Variants in LOC728743 observed in about 807,000 individuals in gnomAD.
At chr7:150,406,378 A>C in the LOC728743 span, among the ~76,000 whole-genome samples, 1 of 152,132 alleles carries the variant, frequency 6.6e-6, no homozygotes, top group African/African-American at 2.4e-5. Flanking sequence ...TAGACAGTGC[A>C]TCTACAGGAG....
the LOC728743 span, among the ~76,000 whole-genome samples, chr7:150,409,624 G>A: frequency 6.6e-6 from 1 of 152,212 alleles, no homozygotes. Context: ...TTAAAAAGTG[G>A]ACGATGGAGC....
chr7:150,410,955 G>A, the LOC728743 span: 40,273 of 152,260 alleles, frequency 0.26, 6,663 homozygotes, highest in East Asian at 0.42. Flanking sequence ...AGAATTCCGA[G>A]GAGCCCTTTT....
chr7:150,403,878 G>C, the LOC728743 span, among the ~76,000 whole-genome samples: 2 of 152,192 alleles, frequency 1.3e-5, no homozygotes, highest in Non-Finnish European at 2.9e-5. This position sits in a 1 kb window ranked among gnomAD's most constrained non-coding sequence, Gnocchi z 5.1. Context: ...TCCTCCAAGC[G>C]AGCTGTGAAA....
the LOC728743 span, among the ~76,000 whole-genome samples, chr7:150,409,826 C>T: frequency 1.3e-5 from 2 of 152,212 alleles, no homozygotes; most frequent in South Asian, 4.1e-4. Flanking sequence ...TCTGCCCATC[C>T]TCAGTGCTAT....
At chr7:150,410,341 T>C in the LOC728743 span, 2 of 394,874 alleles carry the variant, frequency 5.1e-6, no homozygotes. Flanking sequence ...GGTTGGAGCC[T>C]GGAATTGGAA....
At chr7:150,401,836 C>T in the LOC728743 span, among the ~76,000 whole-genome samples, 2 of 152,152 alleles carry the variant, frequency 1.3e-5, no homozygotes, top group Non-Finnish European at 2.9e-5. Context: ...AATTTTAATT[C>T]ATTTAAATAG....
chr7:150,411,725 C>T, the LOC728743 span: 1 of 152,312 alleles, frequency 6.6e-6, no homozygotes, highest in Non-Finnish European at 1.5e-5. Flanking sequence ...CTCCCAGCCC[C>T]AGGAGCTTCC....
At chr7:150,408,357 G>T in the LOC728743 span, 3 of 363,850 alleles carry the variant, frequency 8.2e-6, no homozygotes, top group Admixed American at 9.3e-5. Flanking sequence ...TTGGGCTCTT[G>T]AAGGTGTGGG....
the LOC728743 span, chr7:150,407,567 C>G: frequency 2.5e-6 from 1 of 398,284 alleles, no homozygotes; most frequent in Non-Finnish European, 4.4e-6. Flanking sequence ...CCCCCGCCCC[C>G]GCTTCTGTCT....
chr7:150,402,045 G>C, the LOC728743 span, among the ~76,000 whole-genome samples: 1 of 152,198 alleles, frequency 6.6e-6, no homozygotes, highest in Non-Finnish European at 1.5e-5. Flanking sequence ...CTTATGTAAA[G>C]CATGCAGTAT....
chr7:150,408,956 C>G, the LOC728743 span, among the ~76,000 whole-genome samples: 1 of 152,138 alleles, frequency 6.6e-6, no homozygotes, highest in African/African-American at 2.4e-5. Flanking sequence ...GACCGCAGGC[C>G]CTGACACGGG....
the LOC728743 span, chr7:150,404,364 T>C: frequency 6.6e-6 from 1 of 152,234 alleles, no homozygotes; most frequent in Non-Finnish European, 1.5e-5. Context: ...GGCGGTGCAG[T>C]GGAACACAAG....
At chr7:150,410,777 C>T in the LOC728743 span, 1 of 152,172 alleles carries the variant, frequency 6.6e-6, no homozygotes, top group African/African-American at 2.4e-5. Flanking sequence ...CCACTGGACT[C>T]CCTGAATGAA....
chr7:150,411,909 AG>A, the LOC728743 span: 1 of 153,114 alleles, frequency 6.5e-6, no homozygotes, highest in African/African-American at 2.4e-5. Flanking sequence ...TACCCAGCTA[AG>A]CCCTTCTGAT....
chr7:150,403,181 C>T, the LOC728743 span, among the ~76,000 whole-genome samples: 30 of 152,076 alleles, frequency 2.0e-4, no homozygotes, highest in African/African-American at 7.2e-4. The surrounding 1 kb of genome is among the most constrained non-coding windows in gnomAD (Gnocchi z 5.1). Context: ...TGAGGGGGAA[C>T]CTTGGGGGAG....
chr7:150,410,643 CT>C, the LOC728743 span: 1 of 155,630 alleles, frequency 6.4e-6, no homozygotes, highest in South Asian at 2.1e-4. Flanking sequence ...ATTTTCCTTT[CT>C]GAGCAGTGCT....
At chr7:150,401,478 G>A in the LOC728743 span, among the ~76,000 whole-genome samples, 1 of 152,232 alleles carries the variant, frequency 6.6e-6, no homozygotes, top group Non-Finnish European at 1.5e-5. Context: ...ACTTTTTAGT[G>A]GTTTGAATTT....
At chr7:150,402,691 T>C in the LOC728743 span, among the ~76,000 whole-genome samples, 2 of 151,912 alleles carry the variant, frequency 1.3e-5, no homozygotes, top group Non-Finnish European at 2.9e-5. Flanking sequence ...TCCTGGGAGA[T>C]GGGAGATGGG....
the LOC728743 span, chr7:150,412,296 G>C: frequency 6.6e-6 from 1 of 152,508 alleles, no homozygotes; most frequent in Non-Finnish European, 1.5e-5. Context: ...GGTCAAAAGT[G>C]GATGTCGGAG....
Sources: allele counts gnomAD v4.1 joint callset (sites outside exome capture counted in the v4.1 genomes callset), GRCh38; gene constraint gnomAD v4.1.1; non-coding constraint Gnocchi (gnomAD v3.1); transcripts MANE v1.5.